The following AMBRA1 variants were observed in gnomAD, a reference collection of about 807,000 sequenced individuals.
The protein encoded by AMBRA1 is autophagy and beclin 1 regulator 1.
In AMBRA1, 47 loss-of-function variants were observed where a neutral mutation model predicts 125.4. The ratio of observed to expected loss-of-function variants is 0.37; its 90% CI spans 0.30 to 0.48. AMBRA1 has a LOEUF of 0.48. AMBRA1 is among the 20% of genes least tolerant of loss of function. The pLI is 0.99. For missense variants in AMBRA1, 1,331 were observed against 1,693.4 expected (o/e 0.79, Z 3.76); for synonymous variants, 626 against 655.5 (o/e 0.95, Z 0.69).
chr11:46,531,715 A>AG (rs1952225104), intron 7 of AMBRA1, among the ~76,000 whole-genome samples: 1 of 151,954 alleles, frequency 6.6e-6, no homozygotes, highest in East Asian at 1.9e-4. Flanking sequence ...TCTTAAAAAA[A>AG]AAAGATTAAC....
intron 4 of AMBRA1, 130 bp from the exon 5 acceptor site, chr11:46,545,906 A>C (rs1793163082): frequency 1.3e-6 from 1 of 790,668 alleles, no homozygotes; most frequent in Non-Finnish European, 2.0e-6. Flanking sequence ...ATCCTCTGTA[A>C]AAAGATGTAG....
At chr11:46,593,149 T>C (rs1335996430) in intron 1 of AMBRA1, among the ~76,000 whole-genome samples, 1 of 152,228 alleles carries the variant, frequency 6.6e-6, no homozygotes, top group Non-Finnish European at 1.5e-5. Flanking sequence ...TGACAGGATC[T>C]ATATTCCTAA....
chr11:46,488,222 G>A (rs903703766), intron 11 of AMBRA1, among the ~76,000 whole-genome samples: 2 of 152,158 alleles, frequency 1.3e-5, no homozygotes, highest in Non-Finnish European at 2.9e-5. Context: ...TTGGGAAGCT[G>A]GGGCAGGTAG....
chr11:46,556,315 T>C (rs2043154871), intron 1 of AMBRA1, among the ~76,000 whole-genome samples: 1 of 152,184 alleles, frequency 6.6e-6, no homozygotes, highest in African/African-American at 2.4e-5. Context: ...CATACAGCTC[T>C]TGTGTGACTC....
At chr11:46,468,814 CA>C (rs11337927) in intron 11 of AMBRA1, among the ~76,000 whole-genome samples, 26,167 of 104,290 alleles carry the variant, frequency 0.25, 2,652 homozygotes, top group African/African-American at 0.38. Context: ...GGCTCCGTCT[CA>C]AAAAAAAAAA....
chr11:46,399,920 A>C (rs1024352838), intron 17 of AMBRA1, among the ~76,000 whole-genome samples: 2 of 123,726 alleles, frequency 1.6e-5, no homozygotes, highest in Non-Finnish European at 3.0e-5. Flanking sequence ...ACTTCGGCTC[A>C]AATCTCAGCT....
At chr11:46,428,057 C>A (rs1428162964) in intron 14 of AMBRA1, among the ~76,000 whole-genome samples, 1 of 149,630 alleles carries the variant, frequency 6.7e-6, no homozygotes, top group African/African-American at 2.5e-5. Flanking sequence ...TCCTTCCCTG[C>A]TGCCTGGGAC....
At chr11:46,561,004 T>G (rs1398908100) in intron 1 of AMBRA1, among the ~76,000 whole-genome samples, 1 of 152,182 alleles carries the variant, frequency 6.6e-6, no homozygotes, top group Non-Finnish European at 1.5e-5. Context: ...ATTCTCTGCA[T>G]AGTCTTTGAG....
chr11:46,461,973 T>C (rs1949109487), intron 11 of AMBRA1, among the ~76,000 whole-genome samples: 1 of 152,190 alleles, frequency 6.6e-6, no homozygotes. Context: ...TGCCCCCCAC[T>C]ATCTAGACTC....
chr11:46,524,416 A>G (rs909252162), intron 7 of AMBRA1, among the ~76,000 whole-genome samples: 4 of 152,216 alleles, frequency 2.6e-5, no homozygotes, highest in Non-Finnish European at 2.9e-5. Flanking sequence ...CCAAATGTCA[A>G]TAGTGCTGCT....
At chr11:46,517,501 T>A (rs1425700348) in intron 7 of AMBRA1, among the ~76,000 whole-genome samples, 2 of 133,590 alleles carry the variant, frequency 1.5e-5, no homozygotes, top group Non-Finnish European at 3.1e-5. Context: ...TTTTTTTAAG[T>A]CTGAAGGCCA....
chr11:46,544,402 G>T (rs1952900467), intron 5 of AMBRA1, among the ~76,000 whole-genome samples: 1 of 152,004 alleles, frequency 6.6e-6, no homozygotes, highest in Non-Finnish European at 1.5e-5. Flanking sequence ...CCCTCATATG[G>T]CAGCTACACC....
chr11:46,555,842 A>C (rs1180912262), intron 1 of AMBRA1, among the ~76,000 whole-genome samples: 2 of 152,218 alleles, frequency 1.3e-5, no homozygotes, highest in Non-Finnish European at 2.9e-5. Context: ...TGTGATTCAG[A>C]AACCTATAGA....
At chr11:46,455,979 GC>G (rs1263957076) in intron 11 of AMBRA1, among the ~76,000 whole-genome samples, 1 of 152,086 alleles carries the variant, frequency 6.6e-6, no homozygotes, top group Admixed American at 6.5e-5. Context: ...CTATAGACTT[GC>G]CCTCCCTCCT....
At chr11:46,507,471 T>G (rs1384545438) in intron 9 of AMBRA1, among the ~76,000 whole-genome samples, 48 of 131,488 alleles carry the variant, frequency 3.7e-4, no homozygotes, top group African/African-American at 1.4e-3. Flanking sequence ...AGAGCGAGAC[T>G]CCGTCTCAAA....
At chr11:46,442,425 G>C in intron 12 of AMBRA1, among the ~76,000 whole-genome samples, 1 of 152,038 alleles carries the variant, frequency 6.6e-6, no homozygotes, top group East Asian at 1.9e-4. Context: ...TTACAGGTGT[G>C]AGCTGCTACA....
intron 1 of AMBRA1, among the ~76,000 whole-genome samples, chr11:46,582,110 C>CA (rs753222142): frequency 0.023 from 1,857 of 79,652 alleles, 23 homozygotes; most frequent in African/African-American, 0.038. Context: ...GACCCTGTCT[C>CA]AAAAAAAAAA....
chr11:46,453,504 ATAG>A (rs1411419979), intron 11 of AMBRA1, among the ~76,000 whole-genome samples: 2 of 152,210 alleles, frequency 1.3e-5, no homozygotes, highest in Non-Finnish European at 2.9e-5. Flanking sequence ...TGAGAATTAA[ATAG>A]TAGTTTTTAT....
intron 14 of AMBRA1, among the ~76,000 whole-genome samples, chr11:46,426,476 A>G (rs1395921802): frequency 2.6e-5 from 4 of 152,246 alleles, no homozygotes; most frequent in Non-Finnish European, 5.9e-5. Context: ...AATAAAATGC[A>G]GCATAGACTG....
Sources: gnomAD v4.1 joint callset for allele counts (sites outside exome capture counted in the v4.1 genomes callset) on GRCh38, gnomAD v4.1.1 for gene constraint, MANE v1.5 for transcripts, NCBI Gene and HGNC (gene_info 2026-07-23, HGNC 2026-07-21) for gene names.